SIN3B: variants seen among roughly 807,000 people sequenced by gnomAD.
SIN3B encodes the protein SIN3 transcription regulator family member B, also known as paired amphipathic helix protein Sin3b.
SIN3B carries 19 observed loss-of-function variants against 120.2 expected under a neutral mutation model. The ratio of observed to expected loss-of-function variants is 0.16; its 90% confidence interval spans 0.11 to 0.23. The LOEUF (loss-of-function observed/expected upper bound fraction) is 0.23. SIN3B is among the 10% of genes least tolerant of loss of function. The pLI is 1.00. For missense variants in SIN3B, 1,073 were observed against 1,573.0 expected (o/e 0.68, Z 5.38); for synonymous variants, 654 against 653.2 (o/e 1.00, Z -0.02).
At chr19:16,845,299 C>T (rs552269559) in intron 4 of SIN3B, among the ~76,000 whole-genome samples, 12 of 152,216 alleles carry the variant, frequency 7.9e-5, no homozygotes, top group African/African-American at 2.2e-4. Flanking sequence ...TTTTTTGAGA[C>T]GGAGTCTCTT....
intron 13 of SIN3B, 131 bp from the exon 14 acceptor site, chr19:16,871,097 GC>G (rs2051504215): frequency 1.8e-6 from 2 of 1,093,686 alleles, no homozygotes; most frequent in Admixed American, 1.9e-5. Flanking sequence ...TCCCACATTT[GC>G]CCCAGGGGTG....
chr19:16,843,204 TCTC>T (rs1445189138), intron 4 of SIN3B, among the ~76,000 whole-genome samples: 2 of 151,918 alleles, frequency 1.3e-5, no homozygotes, highest in South Asian at 2.1e-4. Flanking sequence ...TTCAAACAAT[TCTC>T]CTGCCTCAGC....
At chr19:16,830,743 A>G (rs1971268004) in intron 2 of SIN3B, among the ~76,000 whole-genome samples, 1 of 152,182 alleles carries the variant, frequency 6.6e-6, no homozygotes, top group African/African-American at 2.4e-5. Flanking sequence ...CACCTTTCCC[A>G]TTCTTGGCAG....
At chr19:16,867,107 A>C (rs1049946380) in intron 12 of SIN3B, among the ~76,000 whole-genome samples, 3 of 152,034 alleles carry the variant, frequency 2.0e-5, no homozygotes, top group Non-Finnish European at 4.4e-5. Flanking sequence ...GCAGTGATGG[A>C]CTTTGGCTTA....
At chr19:16,867,046 C>T (rs1971785500) in intron 12 of SIN3B, among the ~76,000 whole-genome samples, 1 of 152,196 alleles carries the variant, frequency 6.6e-6, no homozygotes, top group Admixed American at 6.5e-5. Flanking sequence ...TAAGCCACCG[C>T]TCCTGGCCGA....
chr19:16,830,964 A>G (rs984861772), intron 2 of SIN3B, among the ~76,000 whole-genome samples: 9 of 151,818 alleles, frequency 5.9e-5, no homozygotes, highest in Admixed American at 4.6e-4. Flanking sequence ...GAGCTGAGCG[A>G]TGTCAGTATT....
chr19:16,831,350 A>T (rs1248416340), intron 2 of SIN3B, 144 bp from the exon 3 acceptor site: 13 of 799,916 alleles, frequency 1.6e-5, no homozygotes, highest in Non-Finnish European at 2.4e-5. Flanking sequence ...GGCATGAGCC[A>T]CTGCGCCTGG....
At position 16,845,183 on chromosome 19, in the gene SIN3B, C is replaced by G. The variant is rs140393446; in HGVS notation, c.583-1787C>G. Among the ~76,000 whole-genome samples, 46 of 152,302 alleles carry G rather than the reference C, an allele frequency of 3.0e-4. No homozygotes were observed. In the East Asian group the frequency reaches 8.5e-3, roughly 28 times the overall value. On this transcript the variant is annotated intron_variant, in intron 4 of 18. Transcript: ENST00000248054. ...GCATGAATTTCCAGAAACTACTTCC[C>G]TAAGTTGAGGGCGTACTATGCATTC...
chr19:16,876,211 G>A lies in SIN3B; in HGVS notation c.2749G>A (p.Asp917Asn), dbSNP rs779598342. ...GTGGAAGGCTGAGCGCTGCATGGCC[G>A]ACGAGAACTGCTTCAAGGTGAGAGG... ...YQWKAERCMADENCFKVMFLQ... is the reference protein window; with the variant it reads ...YQWKAERCMANENCFKVMFLQ... The change falls in exon 15 of 19, where the codon GAC becomes AAC. Residue 917 changes from aspartate (D) to asparagine (N), a missense_variant. Physicochemically the swap from Asp to Asn is conservative, Grantham distance 23. Around this residue, in one of 7 missense-constraint regions of SIN3B, gnomAD observed 311 missense variants for 400.3 expected, o/e 0.78. Coordinates refer to ENST00000248054, the MANE Select transcript of SIN3B (RefSeq NM_001297595.2). The surrounding 1 kb of genome is among the most constrained non-coding windows in gnomAD (Gnocchi z 7.1). The A allele has an allele frequency of 7.4e-6, 12 of 1,611,126 alleles. No individual in the cohort carries two copies. Among genetic ancestry groups the A allele is most frequent in the Non-Finnish European group, 1.0e-5 (12 of 1,178,434 alleles).
At chr19:16,865,779 C>T (rs1971763682) in intron 11 of SIN3B, 131 bp downstream of exon 11, 5 of 659,024 alleles carry the variant, frequency 7.6e-6, no homozygotes, top group Middle Eastern at 8.4e-4. Flanking sequence ...GTGTCATCTC[C>T]AGGGGTGGTC....
Position 16,866,528 on chromosome 19 carries a change from T to G in SIN3B, c.1778T>G (p.Leu593Arg), listed in dbSNP as rs1272315695. 1 of 1,613,856 alleles carries G rather than the reference T, an allele frequency of 6.2e-7. No individual in the cohort carries two copies. Among genetic ancestry groups the G allele is most frequent in the African/African-American group, 1.3e-5 (1 of 75,030 alleles). Residue 593 changes from leucine (L) to arginine (R), a missense_variant, in exon 12 of 19, where the codon CTC becomes CGC. Leu to Arg is a moderately radical substitution (Grantham distance 102, BLOSUM62 -2). Transcript: ENST00000248054. ...AAGGCCCTGCGCTCCAAGAGCTTGC[T>G]CAACGAGATCGAGAGCGTCTACGAC... ...DTKALRSKSL[L>R]NEIESVYDEH...
rs575663517 is a variant in SIN3B at position 16,840,747 on chromosome 19, C to A, written c.382-1021C>A. Among the ~76,000 whole-genome samples the A allele has an allele frequency of 2.6e-5, 4 of 152,358 alleles. No individual in the cohort carries two copies. In the South Asian group the frequency reaches 8.3e-4, roughly 32 times the overall value. The stretch of plus-strand genomic sequence containing the variant: ...TCCCCAACAGTGGGTGAAGCTCACT[C>A]TGTTTCTCACACTGTTCTGGGCACT... On this transcript the variant is annotated intron_variant, in intron 3 of 18. Coordinates refer to ENST00000248054, the MANE Select transcript of SIN3B (RefSeq NM_001297595.2).
intron 7 of SIN3B, among the ~76,000 whole-genome samples, chr19:16,853,568 C>T (rs561570737): frequency 2.6e-5 from 4 of 152,062 alleles, no homozygotes; most frequent in East Asian, 1.9e-4. Flanking sequence ...GCATGGATCA[C>T]GTGCACGGGC....
chr19:16,843,273 A>G (rs887368168), intron 4 of SIN3B, among the ~76,000 whole-genome samples: 2 of 152,144 alleles, frequency 1.3e-5, no homozygotes, highest in African/African-American at 4.8e-5. Flanking sequence ...AATTAGCAGA[A>G]CCCATTTTTT....
At chr19:16,835,145 T>C (rs1238751210) in intron 3 of SIN3B, among the ~76,000 whole-genome samples, 1 of 151,840 alleles carries the variant, frequency 6.6e-6, no homozygotes, top group African/African-American at 2.4e-5. Context: ...AGGCTGGTCT[T>C]GAACTCCCGA....
Position 16,862,864 on chromosome 19 carries a change from C to T in SIN3B, c.1266+305C>T. 6.3e-7 allele frequency: 1 copy of T among 1,593,516 alleles called. No individual in the cohort carries two copies. Among genetic ancestry groups the T allele is most frequent in the Admixed American group, 1.7e-5 (1 of 59,966 alleles). On this transcript the variant is annotated intron_variant, in intron 9 of 18. Transcript: ENST00000248054. This position sits in a 1 kb window ranked among gnomAD's most constrained non-coding sequence, Gnocchi z 4.7. ...TCTGCTCTGTCCCGGGCTCACTGAC[C>T]TCAGTGTGTTTCTGTTTAGCTTGAC...
At chr19:16,854,303 T>A (rs200966047) in intron 8 of SIN3B, 42 bp downstream of exon 8, 5 of 1,227,082 alleles carry the variant, frequency 4.1e-6, no homozygotes, top group Non-Finnish European at 4.6e-6. Flanking sequence ...GGGGTTCTGT[T>A]CCTGTCAACT....
intron 14 of SIN3B, chr19:16,871,620 A>C: frequency 2.0e-6 from 1 of 512,568 alleles, no homozygotes; most frequent in Non-Finnish European, 3.4e-6. Context: ...ACCTCTGTCT[A>C]GTTCCAGAAC....
At chr19:16,846,859 C>A in intron 4 of SIN3B, 111 bp from the exon 5 acceptor site, 2 of 1,222,580 alleles carry the variant, frequency 1.6e-6, no homozygotes, top group Non-Finnish European at 2.3e-6. Flanking sequence ...GGCAGGTGCT[C>A]TTTCCTGAGA....
Sources: allele counts gnomAD v4.1 joint callset (sites outside exome capture counted in the v4.1 genomes callset), GRCh38; gene constraint gnomAD v4.1.1; regional missense constraint gnomAD v4.1.1; non-coding constraint Gnocchi (gnomAD v3.1); transcripts MANE v1.5; gene names NCBI Gene and HGNC (gene_info 2026-07-23, HGNC 2026-07-21).